ACSF3: variants seen among roughly 807,000 people sequenced by gnomAD.
ACSF3 encodes the protein malonate--CoA ligase ACSF3, mitochondrial.
In ACSF3, 78 loss-of-function variants were observed where a neutral mutation model predicts 53.2. That is an observed-to-expected ratio of 1.47 (90% CI 1.22 to 1.77). The LOEUF (loss-of-function observed/expected upper bound fraction) is 1.77. Ranked by LOEUF, ACSF3 falls within the 40% of genes most tolerant of loss-of-function variation. The pLI is 0.00. For synonymous variants in ACSF3, 414 were observed against 333.1 expected (o/e 1.24, Z -2.65); for missense variants, 937 against 771.1 (o/e 1.22, Z -2.55).
At position 89,136,539 on chromosome 16, in the gene ACSF3, T is replaced by C. The variant is rs1208478143; in HGVS notation, c.1366+3277T>C. On this transcript the variant is annotated intron_variant, in intron 8 of 10. Transcript: ENST00000614302. ...TCAGGAGAAATTAAACTTAACCCTTTCCCTGGCCAGCCCCTCCTGCCACAC... is the reference window on the plus strand; with the variant it reads ...TCAGGAGAAATTAAACTTAACCCTTCCCCTGGCCAGCCCCTCCTGCCACAC... 3.2e-6 allele frequency: 4 copies of C among 1,268,880 alleles called. No homozygotes were observed. The African/African-American group carries it at 4.6e-5, about 15-fold the overall frequency. 78.6% of individuals were successfully genotyped at this position (1,268,880 alleles called of 1,614,324 possible).
intron 5 of ACSF3, among the ~76,000 whole-genome samples, chr16:89,112,566 T>C (rs1390542016): frequency 6.6e-6 from 1 of 152,090 alleles, no homozygotes; most frequent in Non-Finnish European, 1.5e-5. Context: ...TCTATCTGTC[T>C]TCTCTGTCTC....
intron 7 of ACSF3, among the ~76,000 whole-genome samples, chr16:89,130,430 C>T (rs1909042515): frequency 6.6e-6 from 1 of 152,086 alleles, no homozygotes; most frequent in Admixed American, 6.6e-5. Context: ...AAAAATTAGC[C>T]AGGCATGGTG....
chr16:89,111,727 G>A (rs931444395), intron 4 of ACSF3, among the ~76,000 whole-genome samples: 5 of 152,238 alleles, frequency 3.3e-5, no homozygotes, highest in African/African-American at 1.2e-4. Context: ...TGTCCATACT[G>A]GGAAGCATGC....
chr16:89,119,439 G>C (rs1199143234), intron 6 of ACSF3, among the ~76,000 whole-genome samples: 2 of 152,246 alleles, frequency 1.3e-5, no homozygotes, highest in Non-Finnish European at 2.9e-5. Context: ...GCGGTCGTGG[G>C]CTGTGCGGGA....
chr16:89,108,642 C>G (rs1035561848), intron 4 of ACSF3, among the ~76,000 whole-genome samples: 3 of 152,184 alleles, frequency 2.0e-5, no homozygotes, highest in Non-Finnish European at 2.9e-5. Context: ...GCGTGTCACA[C>G]TCAGTCTTTT....
At chr16:89,121,632 A>G (rs796460280) in intron 7 of ACSF3, among the ~76,000 whole-genome samples, 3 of 152,336 alleles carry the variant, frequency 2.0e-5, no homozygotes, top group African/African-American at 7.2e-5. Context: ...CTGATACCAC[A>G]CATGATTGAC....
Position 89,094,005 on chromosome 16 carries a change from G to T in ACSF3, c.-194+9G>T. 1 of 183,210 alleles carries T rather than the reference G, an allele frequency of 5.5e-6. No individual in the cohort carries two copies. The highest frequency in any genetic ancestry group is 1.2e-5 in the Non-Finnish European group (1 of 86,348). The allele number at this position is 183,210 out of a possible 1,614,324, so 11.3% of individuals were successfully genotyped here. Reference sequence around the variant, plus strand: ...CCGCGGCCGTCTCGTAGGTGCGGGCGGCGGGGCCCACGGGACCGCGGCGGG... The same window carrying T: ...CCGCGGCCGTCTCGTAGGTGCGGGCTGCGGGGCCCACGGGACCGCGGCGGG... On this transcript the variant is annotated intron_variant, in intron 1 of 10. Transcript: ENST00000614302.
chr16:89,133,273 G>C lies in ACSF3; in HGVS notation c.1366+11G>C, dbSNP rs762991611. On this transcript the variant is annotated intron_variant, in intron 8 of 10. Transcript: ENST00000614302. ...GCTGGTTTAAGACAGGTAGGACCCA[G>C]CCCCATGGGAGTGGAGGAGACCCCG... is the stretch of plus-strand genomic sequence containing the variant. 27 of 1,613,856 alleles carry C rather than the reference G, an allele frequency of 1.7e-5. No homozygotes were observed. Among genetic ancestry groups the C allele is most frequent in the Non-Finnish European group, 2.1e-5 (25 of 1,179,916 alleles).
At chr16:89,126,213 C>T (rs56260132) in intron 7 of ACSF3, among the ~76,000 whole-genome samples, 5,791 of 152,278 alleles carry the variant, frequency 0.038, 196 homozygotes, top group East Asian at 0.14. Flanking sequence ...TATTTCTTCT[C>T]CTCCTTTTCC....
At chr16:89,140,219 C>T (rs966537771) in intron 8 of ACSF3, among the ~76,000 whole-genome samples, 6 of 152,238 alleles carry the variant, frequency 3.9e-5, no homozygotes, top group African/African-American at 1.2e-4. Context: ...CCGCCTTCCC[C>T]ACTGCCCCTC....
intron 10 of ACSF3, among the ~76,000 whole-genome samples, chr16:89,146,352 G>A (rs906493858): frequency 5.9e-5 from 9 of 152,110 alleles, no homozygotes; most frequent in Non-Finnish European, 1.2e-4. Context: ...GAGAGATCCC[G>A]GATGAGCCAG....
At chr16:89,135,199 A>G (rs1910175581) in intron 8 of ACSF3, among the ~76,000 whole-genome samples, 1 of 152,200 alleles carries the variant, frequency 6.6e-6, no homozygotes, top group Admixed American at 6.5e-5. Flanking sequence ...CTGGCCCAAA[A>G]TCAGAAACGC....
intron 8 of ACSF3, among the ~76,000 whole-genome samples, chr16:89,133,943 C>CGGAGA (rs1323508949): frequency 6.6e-6 from 1 of 152,200 alleles, no homozygotes; most frequent in Non-Finnish European, 1.5e-5. Context: ...TCCTGCTCTC[C>CGGAGA]CTGAGCCTGC....
rs558001893 is a variant in ACSF3, at chr16:89,103,079, A to G, written c.822+320A>G. Among the ~76,000 whole-genome samples, 171 of 152,372 alleles carry G rather than the reference A, an allele frequency of 1.1e-3. 2 individuals carry two copies. The highest frequency in any genetic ancestry group is 3.7e-3 in the African/African-American group (153 of 41,588). On this transcript the variant is annotated intron_variant, in intron 4 of 10. Coordinates refer to ENST00000614302, the MANE Select transcript of ACSF3 (RefSeq NM_001243279.3). ...TAACAATAACAGAACAGTTATAACCATGTACTGTAATCAAGTTATGTGAAA... is the reference window on the plus strand; with the variant it reads ...TAACAATAACAGAACAGTTATAACCGTGTACTGTAATCAAGTTATGTGAAA...
chr16:89,141,067 T>C lies in ACSF3; in HGVS notation c.1367-4200T>C, dbSNP rs746005848. 4 of 1,269,384 alleles carry C rather than the reference T, an allele frequency of 3.2e-6. No homozygotes were observed. In the South Asian group the frequency reaches 3.7e-5, roughly 12 times the overall value. The allele number at this position is 1,269,384 out of a possible 1,614,324, so 78.6% of individuals were successfully genotyped here. ...AACTTGTTTGACTTGCATTTCACAG[T>C]GATCGCAAGTTGCCCTGGAGCCCTC... On this transcript the variant is annotated intron_variant, in intron 8 of 10. Transcript: ENST00000614302.
At chr16:89,099,872 GGAGA>G (rs1474710306) in intron 2 of ACSF3, among the ~76,000 whole-genome samples, 4 of 151,526 alleles carry the variant, frequency 2.6e-5, no homozygotes, top group Admixed American at 6.6e-5. Flanking sequence ...GTGAGAGAGA[GGAGA>G]GAGAGAAAGA....
At chr16:89,151,196 A>G in intron 10 of ACSF3, 1 of 500,696 alleles carries the variant, frequency 2.0e-6, no homozygotes, top group Non-Finnish European at 3.7e-6. Context: ...CCCTTAAAAG[A>G]CACAAATTGC....
chr16:89,113,178 AG>A (rs1397376215), intron 5 of ACSF3: 1 of 151,764 alleles, frequency 6.6e-6, no homozygotes, highest in Non-Finnish European at 1.5e-5. Flanking sequence ...TCTTTTTGTG[AG>A]AGGGAGGGGT....
intron 4 of ACSF3, among the ~76,000 whole-genome samples, chr16:89,108,161 C>T (rs1976241775): frequency 6.6e-6 from 1 of 152,212 alleles, no homozygotes; most frequent in Non-Finnish European, 1.5e-5. Context: ...CTGGGCACCT[C>T]CCACAACACG....
Sources: allele counts gnomAD v4.1 joint callset (sites outside exome capture counted in the v4.1 genomes callset), GRCh38; gene constraint gnomAD v4.1.1; transcripts MANE v1.5; gene names NCBI Gene and HGNC (gene_info 2026-07-23, HGNC 2026-07-21).